CSMD1: variants seen among roughly 807,000 people sequenced by gnomAD.
CSMD1 encodes CUB and sushi domain-containing protein 1.
A neutral mutation model predicts 417.5 loss-of-function variants in CSMD1; 213 were observed. That is an observed-to-expected ratio of 0.51 (90% confidence interval 0.46 to 0.57). The LOEUF (loss-of-function observed/expected upper bound fraction) is 0.57, where lower values mean the gene tolerates loss of function less well. Among genes scored for constraint, CSMD1 ranks in the 20% least tolerant of loss-of-function variants. The pLI is 0.00. For missense variants in CSMD1, 6,923 were observed against 4,529.7 expected (o/e 1.53, Z -15.17); for synonymous variants, 2,862 against 1,736.8 (o/e 1.65, Z -16.11).
At chr8:4,022,910 G>C (rs969488833) in intron 4 of CSMD1, among the ~76,000 whole-genome samples, 1 of 152,214 alleles carries the variant, frequency 6.6e-6, no homozygotes, top group South Asian at 2.1e-4. Context: ...TGTGATGAAA[G>C]CAAGTGTGCA....
At chr8:4,130,227 A>G (rs992129653) in intron 3 of CSMD1, among the ~76,000 whole-genome samples, 10 of 152,074 alleles carry the variant, frequency 6.6e-5, no homozygotes, top group Admixed American at 1.3e-4. Context: ...TCTTCTTGTC[A>G]GTCTAGTATG....
chr8:3,567,540 G>A (rs999323533), intron 10 of CSMD1, among the ~76,000 whole-genome samples: 1 of 150,702 alleles, frequency 6.6e-6, no homozygotes, highest in Middle Eastern at 3.4e-3. Flanking sequence ...GGAGGGGAAA[G>A]AGAAAGGGAA....
chr8:2,942,400 G>C, intron 69 of CSMD1, 72 bp downstream of exon 69: 1 of 1,305,984 alleles, frequency 7.7e-7, no homozygotes, highest in Non-Finnish European at 1.1e-6. Context: ...GTGAGCACGA[G>C]AGCATGCCCA....
At chr8:4,164,450 G>T (rs1797341219) in intron 3 of CSMD1, among the ~76,000 whole-genome samples, 1 of 152,118 alleles carries the variant, frequency 6.6e-6, no homozygotes, top group African/African-American at 2.4e-5. Flanking sequence ...AAACAGCCTG[G>T]CATGCTTCCC....
intron 5 of CSMD1, among the ~76,000 whole-genome samples, chr8:3,932,902 A>G (rs1472029609): frequency 1.3e-5 from 2 of 150,406 alleles, no homozygotes; most frequent in African/African-American, 4.9e-5. Flanking sequence ...TCCAATAGCA[A>G]CACACTTCTA....
At chr8:4,342,020 C>G (rs955159945) in intron 3 of CSMD1, among the ~76,000 whole-genome samples, 1 of 152,104 alleles carries the variant, frequency 6.6e-6, no homozygotes, top group Non-Finnish European at 1.5e-5. Flanking sequence ...AAGACTTGGT[C>G]TCAAGATACA....
At chr8:3,957,712 GAGAAAAGAAAAAGGAAAAGAAATGT>G (rs1812054437) in intron 5 of CSMD1, among the ~76,000 whole-genome samples, 1 of 114,008 alleles carries the variant, frequency 8.8e-6, no homozygotes, top group African/African-American at 2.9e-5. Context: ...AAGAGGAAAA[GAGAAAAGAAAAAGGAAAAGAAATGT>G]AGAAAAGAAA....
At chr8:3,781,172 G>A (rs761478258) in intron 5 of CSMD1, among the ~76,000 whole-genome samples, 3 of 152,108 alleles carry the variant, frequency 2.0e-5, no homozygotes, top group African/African-American at 2.4e-5. Flanking sequence ...AAAGATTGGT[G>A]ATTATTTAAC....
chr8:4,282,781 T>A (rs746622761), intron 3 of CSMD1, among the ~76,000 whole-genome samples: 1 of 152,188 alleles, frequency 6.6e-6, no homozygotes, highest in Non-Finnish European at 1.5e-5. Flanking sequence ...GAGCTTTTTA[T>A]AGTAATTACA....
At chr8:3,529,443 GT>G (rs956232402) in intron 10 of CSMD1, among the ~76,000 whole-genome samples, 3 of 152,158 alleles carry the variant, frequency 2.0e-5, no homozygotes, top group African/African-American at 7.2e-5. Flanking sequence ...AGGAATTTTT[GT>G]AAGACAGAAT....
At chr8:4,127,133 G>A (rs1237218899) in intron 3 of CSMD1, among the ~76,000 whole-genome samples, 1 of 151,952 alleles carries the variant, frequency 6.6e-6, no homozygotes, top group Non-Finnish European at 1.5e-5. Context: ...ATGCTTCTCT[G>A]ATCCATCTTT....
In CSMD1 at chr8:4,318,425, G is replaced by A. The variant is rs562617941; in HGVS notation, c.415+101528C>T. On this transcript the variant is annotated intron_variant, in intron 3 of 69. Coordinates refer to ENST00000635120, the MANE Select transcript of CSMD1 (RefSeq NM_033225.6). ...TTAGTTTCTGTGTGTGTGAGAAAGA[G>A]TAATATTGTGAAAATTACATTGAGT... Among the ~76,000 whole-genome samples, 10 of 152,144 alleles carry A rather than the reference G, an allele frequency of 6.6e-5. No homozygotes were observed. The South Asian group carries it at 1.5e-3, about 22-fold the overall frequency.
intron 7 of CSMD1, among the ~76,000 whole-genome samples, chr8:3,680,362 C>G (rs1799586678): frequency 1.3e-5 from 2 of 152,136 alleles, no homozygotes; most frequent in Admixed American, 1.3e-4. Flanking sequence ...TATATCACCA[C>G]TGATCCCACA....
rs73500603 is a variant in CSMD1 at position 4,257,464 on chromosome 8, G to C, written c.415+162489C>G. On this transcript the variant is annotated intron_variant, in intron 3 of 69. Transcript: ENST00000635120. ...CTTATTAAGAATTCCTTCCTTAATA[G>C]TTTTAAGAATGCATATATTTCTATT... is the stretch of plus-strand genomic sequence containing the variant. 2.0e-3 allele frequency among the ~76,000 whole-genome samples: 304 copies of C among 152,124 alleles called. 3 individuals carry two copies. The highest frequency in any genetic ancestry group is 6.9e-3 in the African/African-American group (287 of 41,494).
intron 5 of CSMD1, among the ~76,000 whole-genome samples, chr8:3,778,180 G>A (rs907703462): frequency 1.3e-5 from 2 of 152,238 alleles, no homozygotes; most frequent in Admixed American, 1.3e-4. Context: ...GGCGTCAGCA[G>A]GGGGCAGGGA....
chr8:3,811,383 G>C (rs888307071), intron 5 of CSMD1, among the ~76,000 whole-genome samples: 2 of 152,120 alleles, frequency 1.3e-5, no homozygotes, highest in Non-Finnish European at 2.9e-5. Context: ...ATTCTTACTT[G>C]TTCTGATCTA....
intron 5 of CSMD1, among the ~76,000 whole-genome samples, chr8:3,810,924 C>G (rs896522095): frequency 6.6e-6 from 1 of 152,080 alleles, no homozygotes; most frequent in Non-Finnish European, 1.5e-5. Flanking sequence ...CTCATTCAGC[C>G]CTTTATCTTT....
intron 1 of CSMD1, among the ~76,000 whole-genome samples, chr8:4,727,445 T>C (rs749890398): frequency 3.3e-5 from 5 of 152,194 alleles, no homozygotes; most frequent in Non-Finnish European, 7.4e-5. Flanking sequence ...ATGCGTAAGA[T>C]AGTTCTAAAA....
At chr8:4,512,324 C>T (rs990220408) in intron 2 of CSMD1, among the ~76,000 whole-genome samples, 1 of 152,144 alleles carries the variant, frequency 6.6e-6, no homozygotes, top group Non-Finnish European at 1.5e-5. Flanking sequence ...AAAAACCCTG[C>T]AGCTAACATT....
Sources: gnomAD v4.1 joint callset for allele counts (sites outside exome capture counted in the v4.1 genomes callset) on GRCh38, gnomAD v4.1.1 for gene constraint, MANE v1.5 for transcripts, NCBI Gene and HGNC (gene_info 2026-07-23, HGNC 2026-07-21) for gene names.